The following SLC39A12 variants were observed in gnomAD, a reference collection of about 807,000 sequenced individuals.
SLC39A12 encodes the protein zinc transporter ZIP12.
Under a neutral mutation model 71.1 loss-of-function variants are expected in SLC39A12, and 63 were observed. The observed-to-expected ratio is 0.89, with a 90% CI of 0.72 to 1.09. SLC39A12 has a LOEUF of 1.09. Among genes scored for constraint, SLC39A12 ranks in the 50% least tolerant of loss-of-function variants. The probability of loss-of-function intolerance (pLI) is 0.00; values close to 1 mark genes in which losing one functional copy is unlikely to be tolerated. For missense variants in SLC39A12, 892 were observed against 812.6 expected (o/e 1.10, Z -1.19); for synonymous variants, 351 against 301.3 (o/e 1.16, Z -1.71).
At chr10:17,956,469 G>A (rs540173148) in intron 2 of SLC39A12, among the ~76,000 whole-genome samples, 2 of 152,152 alleles carry the variant, frequency 1.3e-5, no homozygotes, top group Non-Finnish European at 2.9e-5. Context: ...GGACATACAT[G>A]TTCTCCTTAG....
At chr10:17,979,476 G>A (rs1835199679) in intron 5 of SLC39A12, among the ~76,000 whole-genome samples, 1 of 152,138 alleles carries the variant, frequency 6.6e-6, no homozygotes, top group South Asian at 2.1e-4. Flanking sequence ...TTTTCTGATA[G>A]GAATTGTATT....
chr10:18,018,045 T>C (rs1025905435), intron 12 of SLC39A12, among the ~76,000 whole-genome samples: 5 of 152,208 alleles, frequency 3.3e-5, no homozygotes, highest in African/African-American at 1.2e-4. Context: ...TTATTTAGTC[T>C]TTTGATATCA....
At chr10:18,021,724 A>G (rs61842375) in intron 12 of SLC39A12, among the ~76,000 whole-genome samples, 14 of 152,100 alleles carry the variant, frequency 9.2e-5, no homozygotes, top group Admixed American at 4.6e-4. Flanking sequence ...TCAGTAGTCT[A>G]TGTACTTGAG....
intron 12 of SLC39A12, among the ~76,000 whole-genome samples, chr10:18,012,100 G>T (rs962754836): frequency 2.0e-5 from 3 of 152,082 alleles, no homozygotes; most frequent in African/African-American, 4.8e-5. Flanking sequence ...GGAACAAACC[G>T]CCTGATTTCA....
At chr10:17,973,518 G>C (rs1302189725) in intron 4 of SLC39A12, among the ~76,000 whole-genome samples, 1 of 151,982 alleles carries the variant, frequency 6.6e-6, no homozygotes, top group Non-Finnish European at 1.5e-5. Context: ...CTATTCTAGG[G>C]TAACAGTTTT....
chr10:17,960,569 G>A (rs72784718), intron 2 of SLC39A12, among the ~76,000 whole-genome samples: 2,713 of 152,248 alleles, frequency 0.018, 36 homozygotes, highest in South Asian at 0.03. Flanking sequence ...ATAGAACTAC[G>A]CAAAAAGCAG....
chr10:17,978,937 C>T (rs1244236931), intron 5 of SLC39A12, among the ~76,000 whole-genome samples: 1 of 152,190 alleles, frequency 6.6e-6, no homozygotes, highest in Non-Finnish European at 1.5e-5. Context: ...TGTACATCCT[C>T]AGACCCCAAC....
At chr10:17,995,142 G>T (rs1170788996) in intron 9 of SLC39A12, among the ~76,000 whole-genome samples, 2 of 152,168 alleles carry the variant, frequency 1.3e-5, no homozygotes, top group African/African-American at 4.8e-5. Context: ...TAATGGGCAA[G>T]ATTCTTTTAC....
chr10:18,023,149 G>C lies in SLC39A12; in HGVS notation c.1948-19556G>C, dbSNP rs1472201588. On this transcript the variant is annotated intron_variant, in intron 12 of 12. Transcript: ENST00000377369. ...GCTAAGGCTTTTTGTTCCTTCCCCAGCTGGGGGGCAGCAGGGATGGGGACC... is the reference window on the plus strand; with the variant it reads ...GCTAAGGCTTTTTGTTCCTTCCCCACCTGGGGGGCAGCAGGGATGGGGACC... 1.3e-5 allele frequency among the ~76,000 whole-genome samples: 2 copies of C among 152,280 alleles called. 1 individual carries two copies. Among genetic ancestry groups the C allele is most frequent in the South Asian group, 4.1e-4 (2 of 4,832 alleles).
chr10:18,027,524 G>A (rs144976770), intron 12 of SLC39A12, among the ~76,000 whole-genome samples: 1 of 152,200 alleles, frequency 6.6e-6, no homozygotes, highest in African/African-American at 2.4e-5. Flanking sequence ...AAATCTGGGG[G>A]CCTTTTAAGA....
At chr10:17,962,299 A>G (rs1834711216) in intron 3 of SLC39A12, among the ~76,000 whole-genome samples, 1 of 152,226 alleles carries the variant, frequency 6.6e-6, no homozygotes, top group Admixed American at 6.5e-5. Flanking sequence ...TTCACTGAAG[A>G]AGCAGCTTGC....
intron 6 of SLC39A12, among the ~76,000 whole-genome samples, chr10:17,983,196 A>AT: frequency 7.7e-6 from 1 of 130,602 alleles, no homozygotes; most frequent in South Asian, 2.6e-4. Flanking sequence ...AAAAAAAAAA[A>AT]AGACTCTAGA....
chr10:18,035,928 C>A (rs1454115483), intron 12 of SLC39A12, among the ~76,000 whole-genome samples: 1 of 152,166 alleles, frequency 6.6e-6, no homozygotes, highest in African/African-American at 2.4e-5. Context: ...CAGTGTGCCC[C>A]TGCTGGGGGG....
chr10:18,041,802 T>TATACATATGTATACGTATATGTATGTAC (rs1192936522), intron 12 of SLC39A12, among the ~76,000 whole-genome samples: 4 of 143,976 alleles, frequency 2.8e-5, no homozygotes, highest in African/African-American at 1.0e-4. Flanking sequence ...TCTATATGTA[T>TATACATATGTATACGTATATGTATGTAC]ATACATATGT....
At chr10:17,982,757 C>T (rs912176087) in intron 6 of SLC39A12, among the ~76,000 whole-genome samples, 9 of 152,142 alleles carry the variant, frequency 5.9e-5, no homozygotes, top group Admixed American at 4.6e-4. Flanking sequence ...GGCTTGGGGC[C>T]GGAATGTACA....
At chr10:18,006,164 T>A (rs1385618909) in intron 12 of SLC39A12, among the ~76,000 whole-genome samples, 1 of 152,210 alleles carries the variant, frequency 6.6e-6, no homozygotes, top group Non-Finnish European at 1.5e-5. Flanking sequence ...TGAACAAGGT[T>A]AATGTGAAAA....
At chr10:17,958,920 G>C (rs74647080) in intron 2 of SLC39A12, among the ~76,000 whole-genome samples, 5,441 of 151,976 alleles carry the variant, frequency 0.036, 149 homozygotes, top group Non-Finnish European at 0.046. Context: ...TAATAATATA[G>C]GGTTCTTATT....
chr10:17,998,330 A>T (rs574563207), intron 10 of SLC39A12, among the ~76,000 whole-genome samples: 1 of 152,362 alleles, frequency 6.6e-6, no homozygotes, highest in Admixed American at 6.5e-5. Context: ...CTCCTTTGGA[A>T]TATATGCTAT....
intron 8 of SLC39A12, among the ~76,000 whole-genome samples, chr10:17,992,097 A>T (rs2130827259): frequency 6.6e-6 from 1 of 151,618 alleles, no homozygotes; most frequent in East Asian, 1.9e-4. Context: ...TCAAAAAAAA[A>T]AAAAAAAAAA....
Sources: allele counts gnomAD v4.1 joint callset (sites outside exome capture counted in the v4.1 genomes callset), GRCh38; gene constraint gnomAD v4.1.1; transcripts MANE v1.5; gene names NCBI Gene and HGNC (gene_info 2026-07-23, HGNC 2026-07-21).